Variants in KCNH8 observed in about 807,000 individuals in gnomAD.
KCNH8 encodes potassium voltage-gated channel subfamily H member 8.
In KCNH8, 70 loss-of-function variants were observed where a neutral mutation model predicts 103.6. The ratio of observed to expected loss-of-function variants is 0.68; its 90% CI spans 0.56 to 0.82. The LOEUF is 0.82. KCNH8 is among the 40% of genes least tolerant of loss of function. The pLI is 0.00. For synonymous variants in KCNH8, 498 were observed against 489.4 expected, an observed-to-expected ratio of 1.02 and a Z score of -0.23; for missense variants, 1,217 against 1,329.9, an observed-to-expected ratio of 0.92 and a Z score of 1.32.
At chr3:19,424,157 CTG>C (rs2066991638) in intron 7 of KCNH8, among the ~76,000 whole-genome samples, 1 of 151,986 alleles carries the variant, frequency 6.6e-6, no homozygotes, top group Non-Finnish European at 1.5e-5. Flanking sequence ...CAACACAAGA[CTG>C]AGCAAAAAGA....
At chr3:19,189,851 T>C (rs1386725585) in intron 1 of KCNH8, among the ~76,000 whole-genome samples, 2 of 152,078 alleles carry the variant, frequency 1.3e-5, no homozygotes, top group East Asian at 1.9e-4. Context: ...TGAGATTTTA[T>C]ATTTTAATTG....
chr3:19,292,900 A>G (rs2064948140), intron 3 of KCNH8, among the ~76,000 whole-genome samples: 1 of 152,192 alleles, frequency 6.6e-6, no homozygotes, highest in Non-Finnish European at 1.5e-5. Context: ...GATTTCTGTC[A>G]ACATGTCATT....
At chr3:19,200,859 C>T (rs2063651215) in intron 1 of KCNH8, among the ~76,000 whole-genome samples, 1 of 151,760 alleles carries the variant, frequency 6.6e-6, no homozygotes, top group South Asian at 2.1e-4. Flanking sequence ...AATGTATTCT[C>T]AGGATAAGCA....
chr3:19,289,301 C>G (rs958068670), intron 3 of KCNH8, among the ~76,000 whole-genome samples: 4 of 152,020 alleles, frequency 2.6e-5, no homozygotes, highest in Non-Finnish European at 5.9e-5. Flanking sequence ...AGCCCTTGCC[C>G]ATGCCTATGT....
chr3:19,421,635 A>G (rs1174852689), intron 7 of KCNH8, among the ~76,000 whole-genome samples: 1 of 152,010 alleles, frequency 6.6e-6, no homozygotes, highest in Non-Finnish European at 1.5e-5. Flanking sequence ...TATCAGATAC[A>G]CTGAGCTTTT....
chr3:19,225,824 C>A (rs2063924105), intron 1 of KCNH8, among the ~76,000 whole-genome samples: 1 of 152,110 alleles, frequency 6.6e-6, no homozygotes, highest in Non-Finnish European at 1.5e-5. Context: ...CTAAAATTCA[C>A]AAAAATTAAA....
chr3:19,345,535 C>T (rs555515560), intron 4 of KCNH8, among the ~76,000 whole-genome samples: 5 of 152,134 alleles, frequency 3.3e-5, no homozygotes, highest in South Asian at 2.1e-4. Context: ...ATAAACTTAA[C>T]GTCTAGACTA....
intron 7 of KCNH8, among the ~76,000 whole-genome samples, chr3:19,410,180 A>C (rs2066755914): frequency 6.6e-6 from 1 of 152,144 alleles, no homozygotes; most frequent in Admixed American, 6.6e-5. Flanking sequence ...AAAACTAAAA[A>C]TCATACAAAC....
chr3:19,152,089 A>G (rs1333909042), intron 1 of KCNH8, among the ~76,000 whole-genome samples: 7 of 152,136 alleles, frequency 4.6e-5, no homozygotes, highest in African/African-American at 1.7e-4. Context: ...ACATACACAC[A>G]TACACCACAC....
intron 14 of KCNH8, among the ~76,000 whole-genome samples, chr3:19,515,802 T>C (rs2068864205): frequency 6.6e-6 from 1 of 152,058 alleles, no homozygotes; most frequent in African/African-American, 2.4e-5. Context: ...GAACATTGGT[T>C]ATATTTAACC....
At chr3:19,482,221 C>T (rs559048454) in intron 11 of KCNH8, among the ~76,000 whole-genome samples, 1 of 152,200 alleles carries the variant, frequency 6.6e-6, no homozygotes, top group Non-Finnish European at 1.5e-5. Flanking sequence ...CTATAGATAA[C>T]GTAACCCATT....
intron 1 of KCNH8, among the ~76,000 whole-genome samples, chr3:19,213,754 C>T (rs1030859198): frequency 2.6e-5 from 4 of 152,122 alleles, no homozygotes; most frequent in Non-Finnish European, 5.9e-5. Flanking sequence ...TAATGTTAAT[C>T]GTTCTCAGTA....
intron 7 of KCNH8, among the ~76,000 whole-genome samples, chr3:19,436,109 TTC>T (rs1441193040): frequency 6.6e-6 from 1 of 152,190 alleles, no homozygotes; most frequent in Non-Finnish European, 1.5e-5. Flanking sequence ...TGTGAAGTCA[TTC>T]TGTCTTTGAA....
rs2067584962 is a variant in KCNH8 at position 19,459,354 on chromosome 3, A to G, written c.2040+2372A>G. On this transcript the variant is annotated intron_variant, in intron 11 of 15. Coordinates refer to ENST00000328405, the MANE Select transcript of KCNH8 (RefSeq NM_144633.3). ...TTAGCAATATTGAGCATATTTTCATATAACTGTTGGCCTTTTGTATGTCTT... is the reference window on the plus strand; with the variant it reads ...TTAGCAATATTGAGCATATTTTCATGTAACTGTTGGCCTTTTGTATGTCTT... Among the ~76,000 whole-genome samples the G allele has an allele frequency of 4.6e-5, 7 of 152,098 alleles. No individual in the cohort carries two copies. The South Asian group carries it at 1.5e-3, about 32-fold the overall frequency.
chr3:19,413,045 A>G (rs973019078), intron 7 of KCNH8, among the ~76,000 whole-genome samples: 7 of 152,104 alleles, frequency 4.6e-5, no homozygotes, highest in African/African-American at 1.7e-4. Flanking sequence ...AATCATTTCT[A>G]TCCGAAATAC....
intron 15 of KCNH8, among the ~76,000 whole-genome samples, chr3:19,526,777 T>C (rs1293771297): frequency 6.6e-6 from 1 of 152,002 alleles, no homozygotes; most frequent in Non-Finnish European, 1.5e-5. Context: ...CACTTCTTTA[T>C]CTTTCAGTGA....
chr3:19,467,352 C>T (rs2067762646), intron 11 of KCNH8, among the ~76,000 whole-genome samples: 3 of 151,718 alleles, frequency 2.0e-5, no homozygotes, highest in African/African-American at 7.3e-5. Flanking sequence ...AATATATAAC[C>T]AAGCAACCTG....
At chr3:19,517,793 C>A (rs918663962) in intron 14 of KCNH8, among the ~76,000 whole-genome samples, 7 of 151,916 alleles carry the variant, frequency 4.6e-5, no homozygotes, top group Admixed American at 2.0e-4. Context: ...CAATCACCAC[C>A]ATGATGTGTG....
intron 3 of KCNH8, among the ~76,000 whole-genome samples, chr3:19,293,218 G>GC (rs1559463133): frequency 1.3e-5 from 2 of 152,112 alleles, no homozygotes; most frequent in African/African-American, 2.4e-5. Flanking sequence ...AAAGTTCAGG[G>GC]CCATCTGGTC....
Sources: gnomAD v4.1 joint callset for allele counts (sites outside exome capture counted in the v4.1 genomes callset) on GRCh38, gnomAD v4.1.1 for gene constraint, MANE v1.5 for transcripts, NCBI Gene and HGNC (gene_info 2026-07-23, HGNC 2026-07-21) for gene names.